Variants in SPINK1 observed in about 807,000 individuals in gnomAD.
SPINK1 encodes serine peptidase inhibitor Kazal type 1.
In SPINK1, 5 loss-of-function variants were observed where a neutral mutation model predicts 9.5. The observed-to-expected ratio is 0.52, with a 90% confidence interval of 0.27 to 1.10. The LOEUF is 1.10. SPINK1 is among the 50% of genes least tolerant of loss of function. SPINK1 has a pLI of 0.11. For missense variants in SPINK1, 88 were observed against 92.7 expected, an observed-to-expected ratio of 0.95 and a Z score of 0.21; for synonymous variants, 37 against 32.3, an observed-to-expected ratio of 1.14 and a Z score of -0.49.
upstream of SPINK1, among the ~76,000 whole-genome samples, chr5:147,833,405 C>T (rs1289010396): frequency 6.6e-6 from 1 of 152,092 alleles, no homozygotes; most frequent in African/African-American, 2.4e-5. Context: ...CTAATATGTT[C>T]CATACTACTA....
intron 1 of SPINK1, 33 bp downstream of exon 1, chr5:147,831,490 T>C (rs749993885): frequency 6.2e-7 from 1 of 1,612,352 alleles, no homozygotes; most frequent in South Asian, 1.1e-5. Flanking sequence ...TCAAAACAGT[T>C]TTATTTAAAT....
upstream of SPINK1, chr5:147,831,741 C>A (rs74352029): frequency 8.1e-6 from 12 of 1,474,406 alleles, no homozygotes; most frequent in Non-Finnish European, 1.1e-5. Flanking sequence ...TGTGTCATAG[C>A]CTGGCCTCCA....
At chr5:147,834,010 C>T (rs1328754520), upstream of SPINK1, among the ~76,000 whole-genome samples, 2 of 152,166 alleles carry the variant, frequency 1.3e-5, no homozygotes, top group Non-Finnish European at 2.9e-5. Flanking sequence ...TCTCAAGAAG[C>T]CATTCTTTCT....
upstream of SPINK1, chr5:147,831,703 A>G: frequency 1.3e-6 from 2 of 1,531,386 alleles, no homozygotes; most frequent in Non-Finnish European, 1.8e-6. Flanking sequence ...GGGCTATATC[A>G]CAGATCTCCC....
intron 3 of SPINK1, chr5:147,827,650 A>G (rs1310762487): frequency 5.7e-6 from 1 of 176,562 alleles, no homozygotes; most frequent in Non-Finnish European, 1.2e-5. Flanking sequence ...ACTGGCTTTC[A>G]TATCCATAAG....
At chr5:147,835,416 G>T (rs1561607879), upstream of SPINK1, among the ~76,000 whole-genome samples, 1 of 152,026 alleles carries the variant, frequency 6.6e-6, no homozygotes, top group Non-Finnish European at 1.5e-5. Context: ...AATAAATATT[G>T]TTTGCCCCGG....
chr5:147,827,552 C>T (rs1006181507), intron 3 of SPINK1: 1 of 160,460 alleles, frequency 6.2e-6, no homozygotes, highest in Non-Finnish European at 1.4e-5. Context: ...GTTTCAGTTG[C>T]TGAGTGAGAT....
At chr5:147,837,706 T>TTTCTTTCTTTCTTTCTTTCTTTC in the SPINK1 span, among the ~76,000 whole-genome samples, 1 of 148,444 alleles carries the variant, frequency 6.7e-6, no homozygotes, top group East Asian at 2.1e-4. Flanking sequence ...TCTTTCTTTC[T>TTTCTTTCTTTCTTTCTTTCTTTC]TTCTTTCTTT....
intron 3 of SPINK1, among the ~76,000 whole-genome samples, chr5:147,826,623 T>C (rs1310712586): frequency 6.6e-6 from 1 of 152,218 alleles, no homozygotes; most frequent in East Asian, 1.9e-4. Flanking sequence ...GGAAATATGA[T>C]GTTTGAGCTT....
intron 3 of SPINK1, among the ~76,000 whole-genome samples, chr5:147,825,385 C>G (rs1272849652): frequency 2.6e-5 from 4 of 151,896 alleles, no homozygotes; most frequent in Non-Finnish European, 4.4e-5. Flanking sequence ...TTCTCTATTA[C>G]TGAAGGACAT....
chr5:147,826,003 G>C (rs995588170), intron 3 of SPINK1, among the ~76,000 whole-genome samples: 1 of 152,180 alleles, frequency 6.6e-6, no homozygotes, highest in Non-Finnish European at 1.5e-5. Context: ...TAAGGCTACT[G>C]TTTTGTGGCT....
Position 147,828,069 on chromosome 5 carries a change from A to T in SPINK1, c.147T>A (p.Thr49=). Residue 49 remains threonine, a synonymous_variant, in exon 3 of 4, where the codon ACT becomes ACA. Transcript: ENST00000296695. ...CTKIYDPVCG[T]DGNTYPNECV... The stretch of plus-strand genomic sequence containing the variant: ...ATTCATTGGGATAAGTATTTCCATC[A>T]GTCCCACAGACAGGGTCATATATCT... 6.2e-7 allele frequency: 1 copy of T among 1,613,668 alleles called. No homozygotes were observed. The highest frequency in any genetic ancestry group is 8.5e-7 in the Non-Finnish European group (1 of 1,179,884).
chr5:147,831,738 T>C, upstream of SPINK1: 1 of 1,476,088 alleles, frequency 6.8e-7, no homozygotes, highest in Non-Finnish European at 9.0e-7. Context: ...CTCTGTGTCA[T>C]AGCCTGGCCT....
upstream of SPINK1, among the ~76,000 whole-genome samples, chr5:147,833,499 C>T (rs1207897520): frequency 2.6e-5 from 4 of 152,152 alleles, no homozygotes; most frequent in African/African-American, 4.8e-5. Context: ...GCCCAAACCT[C>T]GTTGTTCTCC....
In SPINK1 at chr5:147,831,280, C is replaced by A. The variant is rs535583357; in HGVS notation, c.55+243G>T. 5.9e-5 allele frequency among the ~76,000 whole-genome samples: 9 copies of A among 152,216 alleles called. No homozygotes were observed. The South Asian group carries it at 8.3e-4, about 14-fold the overall frequency. On this transcript the variant is annotated intron_variant, in intron 1 of 3. Transcript: ENST00000296695. ...CTACCATATCCCAACAAAGGGTCAG[C>A]CACATCAATAGAGGAAAACCATTTT...
upstream of SPINK1, among the ~76,000 whole-genome samples, chr5:147,833,743 C>T (rs1267991060): frequency 6.6e-6 from 1 of 152,114 alleles, no homozygotes; most frequent in Non-Finnish European, 1.5e-5. Flanking sequence ...TAGAAAGGCC[C>T]ATAGGGATCT....
rs1657954364 is a variant in SPINK1 at position 147,831,372 on chromosome 5, A to G, written c.55+151T>C. On this transcript the variant is annotated intron_variant, in intron 1 of 3. Coordinates refer to ENST00000296695, the MANE Select transcript of SPINK1 (RefSeq NM_001379610.1). The stretch of plus-strand genomic sequence containing the variant: ...GTAGGTTAAAAATTCCTCTTAAAAA[A>G]TAATTCTTACCTGTTGATTTTATTT... 6.0e-6 allele frequency: 6 copies of G among 996,208 alleles called. No individual in the cohort carries two copies. The Admixed American group carries it at 1.1e-4, about 18-fold the overall frequency. 61.7% of individuals were successfully genotyped at this position (996,208 alleles called of 1,614,324 possible).
At chr5:147,829,701 C>G in intron 1 of SPINK1, 71 bp from the exon 2 acceptor site, 1 of 1,421,206 alleles carries the variant, frequency 7.0e-7, no homozygotes, top group African/African-American at 1.4e-5. Context: ...CATCAGAATT[C>G]TCTGCTTTCA....
chr5:147,838,908 G>A, the SPINK1 span, among the ~76,000 whole-genome samples: 1 of 151,970 alleles, frequency 6.6e-6, no homozygotes, highest in Admixed American at 6.5e-5. Flanking sequence ...TCATGGTCCT[G>A]AAGAGGGAGA....
Sources: allele counts gnomAD v4.1 joint callset (sites outside exome capture counted in the v4.1 genomes callset), GRCh38; gene constraint gnomAD v4.1.1; transcripts MANE v1.5; gene names NCBI Gene and HGNC (gene_info 2026-07-23, HGNC 2026-07-21).